PARN: variants seen among roughly 807,000 people sequenced by gnomAD.
PARN encodes poly(A)-specific ribonuclease.
A neutral mutation model predicts 102.8 loss-of-function variants in PARN; 71 were observed. The observed-to-expected ratio is 0.69, with a 90% CI of 0.57 to 0.84. PARN has a LOEUF of 0.84. PARN is among the 40% of genes least tolerant of loss of function. The pLI, the probability that PARN is intolerant of heterozygous loss-of-function variation, is 0.00. For missense variants in PARN, 782 were observed against 760.9 expected (o/e 1.03, Z -0.33); for synonymous variants, 261 against 252.9 (o/e 1.03, Z -0.30).
chr16:14,608,728 G>A (rs1405584775), intron 8 of PARN, among the ~76,000 whole-genome samples: 1 of 152,196 alleles, frequency 6.6e-6, no homozygotes, highest in Admixed American at 6.5e-5. Flanking sequence ...GGTGGAAGTA[G>A]CCTGAAAGTG....
chr16:14,498,122 C>CAAAAAAA (rs34124932), intron 21 of PARN, among the ~76,000 whole-genome samples: 3 of 44,892 alleles, frequency 6.7e-5, no homozygotes, highest in East Asian at 6.7e-4. Flanking sequence ...GACTCCATCT[C>CAAAAAAA]AAAAAAAAAA....
chr16:14,532,029 C>T lies in PARN; in HGVS notation c.1480+19992G>A, dbSNP rs1181672703. ...AGTGAGCTATGATCGCACTGCTGTA[C>T]TCCAGCTTGACCCTGTCAGAGTGAG... On this transcript the variant is annotated intron_variant, in intron 21 of 23. Transcript: ENST00000437198. Among the ~76,000 whole-genome samples, 4 of 152,044 alleles carry T rather than the reference C, an allele frequency of 2.6e-5. No individual in the cohort carries two copies. In the East Asian group the frequency reaches 7.7e-4, roughly 29 times the overall value.
chr16:14,614,455 A>C (rs976596043), intron 6 of PARN, among the ~76,000 whole-genome samples: 2 of 152,180 alleles, frequency 1.3e-5, no homozygotes, highest in Non-Finnish European at 2.9e-5. Flanking sequence ...AGAGAATTAT[A>C]ACACACCAAA....
chr16:14,525,041 C>T (rs1965924794), intron 21 of PARN, among the ~76,000 whole-genome samples: 1 of 152,188 alleles, frequency 6.6e-6, no homozygotes, highest in Non-Finnish European at 1.5e-5. Context: ...ACTACTACTA[C>T]TACGAAATAT....
At chr16:14,588,400 G>T (rs534725999) in intron 13 of PARN, among the ~76,000 whole-genome samples, 46 of 152,160 alleles carry the variant, frequency 3.0e-4, no homozygotes, top group Non-Finnish European at 5.0e-4. Context: ...ATTTTCAGCA[G>T]GGTCAGTGAC....
chr16:14,445,584 CAG>C (rs894399644), intron 23 of PARN, among the ~76,000 whole-genome samples: 1 of 152,186 alleles, frequency 6.6e-6, no homozygotes, highest in Non-Finnish European at 1.5e-5. Flanking sequence ...GTATGTAAGA[CAG>C]GGTGTCACTC....
At chr16:14,506,906 A>G (rs1267510861) in intron 21 of PARN, among the ~76,000 whole-genome samples, 1 of 152,222 alleles carries the variant, frequency 6.6e-6, no homozygotes. Context: ...CAAACAAAAA[A>G]GGAAAGAAAA....
At chr16:14,618,765 G>T (rs1405100494) in intron 5 of PARN, among the ~76,000 whole-genome samples, 2 of 151,934 alleles carry the variant, frequency 1.3e-5, no homozygotes, top group Admixed American at 1.3e-4. Flanking sequence ...ACTATAAATA[G>T]AACTAGTATG....
At chr16:14,607,374 A>T (rs1971256709) in intron 9 of PARN, among the ~76,000 whole-genome samples, 1 of 151,534 alleles carries the variant, frequency 6.6e-6, no homozygotes, top group Non-Finnish European at 1.5e-5. Flanking sequence ...TGTCCGGCTA[A>T]ATTTTGTATT....
intron 21 of PARN, among the ~76,000 whole-genome samples, chr16:14,527,509 C>G (rs1966071251): frequency 6.6e-6 from 1 of 152,176 alleles, no homozygotes; most frequent in Non-Finnish European, 1.5e-5. Context: ...GCTGAATTAG[C>G]AAATGCTGAG....
chr16:14,525,658 A>T (rs1379861384), intron 21 of PARN, among the ~76,000 whole-genome samples: 1 of 152,152 alleles, frequency 6.6e-6, no homozygotes, highest in Non-Finnish European at 1.5e-5. Context: ...CCTATGACAG[A>T]GCCGCTCAGT....
At chr16:14,531,899 TAA>T (rs35330393) in intron 21 of PARN, among the ~76,000 whole-genome samples, 68 of 108,890 alleles carry the variant, frequency 6.2e-4, no homozygotes, top group Non-Finnish European at 9.4e-4. Flanking sequence ...CCCATTTCTT[TAA>T]AAAAAAAAAA....
At chr16:14,584,886 TA>T in intron 14 of PARN, 95 bp from the exon 15 acceptor site, 1 of 648,636 alleles carries the variant, frequency 1.5e-6, no homozygotes, top group East Asian at 3.0e-5. Flanking sequence ...ACTTCATACA[TA>T]AAAAACATAA....
At chr16:14,547,854 CTA>C (rs1254138981) in intron 21 of PARN, among the ~76,000 whole-genome samples, 3 of 152,098 alleles carry the variant, frequency 2.0e-5, no homozygotes, top group Non-Finnish European at 4.4e-5. Context: ...TTATAAGCTG[CTA>C]TATAAATAGG....
At chr16:14,482,944 G>T in intron 21 of PARN, 117 bp from the exon 22 acceptor site, 1 of 737,648 alleles carries the variant, frequency 1.4e-6, no homozygotes, top group Non-Finnish European at 2.1e-6. Flanking sequence ...CCTGAGGTCT[G>T]ACCCTTGGCT....
At chr16:14,469,205 G>C (rs939370072) in intron 22 of PARN, among the ~76,000 whole-genome samples, 16 of 152,142 alleles carry the variant, frequency 1.1e-4, no homozygotes, top group Non-Finnish European at 2.2e-4. Context: ...GCTGAGGCAG[G>C]AGAATCGCTT....
chr16:14,514,684 C>G (rs1965370628), intron 21 of PARN, among the ~76,000 whole-genome samples: 1 of 152,136 alleles, frequency 6.6e-6, no homozygotes, highest in Non-Finnish European at 1.5e-5. Context: ...AAAAGGTTAC[C>G]TTATGGCTAT....
intron 21 of PARN, among the ~76,000 whole-genome samples, chr16:14,514,094 A>G (rs540955219): frequency 6.6e-6 from 1 of 152,250 alleles, no homozygotes; most frequent in Non-Finnish European, 1.5e-5. Context: ...GGGTATGGAC[A>G]AAAGGAAACA....
chr16:14,458,976 C>T (rs1186802991), intron 22 of PARN, among the ~76,000 whole-genome samples: 1 of 152,132 alleles, frequency 6.6e-6, no homozygotes, highest in Non-Finnish European at 1.5e-5. Context: ...AATCTGTACC[C>T]AGAGCACAGC....
Sources: gnomAD v4.1 joint callset for allele counts (sites outside exome capture counted in the v4.1 genomes callset) on GRCh38, gnomAD v4.1.1 for gene constraint, MANE v1.5 for transcripts, NCBI Gene and HGNC (gene_info 2026-07-23, HGNC 2026-07-21) for gene names.